The following SPEF2 variants were observed in gnomAD, a reference collection of about 807,000 sequenced individuals.
SPEF2 encodes sperm flagellar and cilia associated 2.
A neutral mutation model predicts 224.6 loss-of-function variants in SPEF2; 187 were observed. That is an observed-to-expected ratio of 0.83 (90% CI 0.74 to 0.94). The LOEUF is 0.94. SPEF2 is among the 40% of genes least tolerant of loss of function. SPEF2 has a pLI of 0.00. For missense variants in SPEF2, 2,170 were observed against 2,135.6 expected (o/e 1.02, Z -0.32); for synonymous variants, 715 against 707.3 (o/e 1.01, Z -0.17).
chr5:35,753,330 TAGGA>T (rs1749964032), intron 23 of SPEF2, among the ~76,000 whole-genome samples: 1 of 152,158 alleles, frequency 6.6e-6, no homozygotes, highest in South Asian at 2.1e-4. Flanking sequence ...CATTTTTTTT[TAGGA>T]AGGATTAAAG....
At chr5:35,793,407 CAAT>C (rs895317645) in intron 32 of SPEF2, 66 bp downstream of exon 32, 1 of 1,507,918 alleles carries the variant, frequency 6.6e-7, no homozygotes, top group Non-Finnish European at 9.0e-7. Context: ...GTGAATTACT[CAAT>C]GATGTTACAT....
chr5:35,681,104 A>G (rs1752736163), intron 10 of SPEF2, among the ~76,000 whole-genome samples: 1 of 152,190 alleles, frequency 6.6e-6, no homozygotes, highest in East Asian at 1.9e-4. Flanking sequence ...CTTTGGATAC[A>G]ATTTAACTAT....
intron 2 of SPEF2, among the ~76,000 whole-genome samples, chr5:35,628,848 T>A (rs1744656493): frequency 1.3e-5 from 2 of 152,094 alleles, no homozygotes; most frequent in South Asian, 4.1e-4. Context: ...TGCCTCAGCC[T>A]TCCAAAGTGT....
chr5:35,676,983 TC>T (rs1752111273), intron 10 of SPEF2, among the ~76,000 whole-genome samples: 1 of 152,156 alleles, frequency 6.6e-6, no homozygotes, highest in East Asian at 1.9e-4. Context: ...GACACATTGA[TC>T]AATGTCACCT....
intron 36 of SPEF2, chr5:35,807,628 A>G (rs1413789232): frequency 6.5e-7 from 1 of 1,534,128 alleles, no homozygotes; most frequent in Non-Finnish European, 8.7e-7. Flanking sequence ...ATTGTACTCT[A>G]ATCACGCAAG....
intron 1 of SPEF2, 112 bp downstream of exon 1, chr5:35,618,167 T>G: frequency 8.6e-7 from 1 of 1,168,364 alleles, no homozygotes; most frequent in Non-Finnish European, 1.2e-6. Flanking sequence ...GCTGCACAGG[T>G]GGGGCACCTG....
intron 26 of SPEF2, among the ~76,000 whole-genome samples, chr5:35,764,985 A>C (rs1375482989): frequency 1.3e-5 from 2 of 152,292 alleles, no homozygotes; most frequent in East Asian, 3.9e-4. Flanking sequence ...GTAAATACTC[A>C]TGGCACCACT....
rs1748706542 is a variant in SPEF2, at chr5:35,654,625, A to T, written c.877A>T (p.Ile293Phe). 9.3e-6 allele frequency: 15 copies of T among 1,614,006 alleles called. 1 individual carries two copies. In the Middle Eastern group the frequency reaches 6.6e-4, roughly 71 times the overall value. ...CTCAGATGACGAGTACATTAAAAAA[A>T]TCCAGAAGCGCCTTGAAGAAGATGC... ...TYSDDEYIKKIQKRLEEDAFA... is the reference protein window; with the variant it reads ...TYSDDEYIKKFQKRLEEDAFA... Residue 293 changes from isoleucine to phenylalanine, a missense_variant, in exon 7 of 37, where the codon ATC (isoleucine) becomes TTC (phenylalanine). Coordinates refer to ENST00000356031, the MANE Select transcript of SPEF2 (RefSeq NM_024867.4).
chr5:35,689,362 A>G (rs544239279), intron 10 of SPEF2, among the ~76,000 whole-genome samples: 4 of 152,256 alleles, frequency 2.6e-5, no homozygotes, highest in Admixed American at 2.6e-4. Flanking sequence ...CTTCTGTAAC[A>G]TTTGTTACAG....
intron 1 of SPEF2, among the ~76,000 whole-genome samples, chr5:35,622,679 T>C (rs551361099): frequency 1.3e-5 from 2 of 152,194 alleles, no homozygotes; most frequent in Non-Finnish European, 2.9e-5. Context: ...ATCTATTGCT[T>C]CTGACGTAAA....
At chr5:35,807,291 T>G in intron 36 of SPEF2, 38 bp downstream of exon 36, 1 of 1,596,162 alleles carries the variant, frequency 6.3e-7, no homozygotes, top group South Asian at 1.1e-5. Flanking sequence ...TTGGTTGGGC[T>G]CCAGTTCAGG....
intron 19 of SPEF2, 90 bp from the exon 20 acceptor site, chr5:35,712,722 A>C: frequency 7.8e-7 from 1 of 1,275,708 alleles, no homozygotes. Flanking sequence ...CTGTTTACCT[A>C]TGGGAAATAG....
intron 26 of SPEF2, among the ~76,000 whole-genome samples, chr5:35,765,879 C>A (rs1344078038): frequency 2.0e-5 from 3 of 151,928 alleles, no homozygotes; most frequent in South Asian, 4.1e-4. Context: ...GCTTTTTCTG[C>A]CTGTATTATA....
At chr5:35,720,324 C>A (rs1000967050) in intron 20 of SPEF2, among the ~76,000 whole-genome samples, 1 of 152,148 alleles carries the variant, frequency 6.6e-6, no homozygotes, top group Non-Finnish European at 1.5e-5. Context: ...ATATTCCAAG[C>A]AAAGTCAAAA....
intron 30 of SPEF2, among the ~76,000 whole-genome samples, chr5:35,780,114 C>G (rs746414909): frequency 9.2e-5 from 14 of 152,156 alleles, no homozygotes; most frequent in Non-Finnish European, 2.1e-4. Context: ...CTCTGCAGAT[C>G]CAAAGTTCTT....
intron 1 of SPEF2, among the ~76,000 whole-genome samples, chr5:35,618,907 A>G (rs772477735): frequency 6.6e-6 from 1 of 150,500 alleles, no homozygotes; most frequent in Admixed American, 6.7e-5. Flanking sequence ...AGAGGTTTTC[A>G]GGGCAAGTCA....
chr5:35,779,055 A>G, intron 29 of SPEF2, 62 bp from the exon 30 acceptor site: 3 of 1,300,520 alleles, frequency 2.3e-6, no homozygotes, highest in Non-Finnish European at 3.2e-6. Context: ...TCTTATAAGC[A>G]AACTTTATTA....
chr5:35,654,394 T>G, intron 6 of SPEF2, 146 bp from the exon 7 acceptor site: 1 of 612,228 alleles, frequency 1.6e-6, no homozygotes, highest in Non-Finnish European at 2.6e-6. Flanking sequence ...TCACACTGAT[T>G]TCAAATATTT....
intron 10 of SPEF2, among the ~76,000 whole-genome samples, chr5:35,686,678 G>A (rs903447027): frequency 6.6e-6 from 1 of 151,974 alleles, no homozygotes; most frequent in African/African-American, 2.4e-5. Flanking sequence ...GCAAAATATG[G>A]TACATCATTG....
Sources: allele counts gnomAD v4.1 joint callset (sites outside exome capture counted in the v4.1 genomes callset), GRCh38; gene constraint gnomAD v4.1.1; transcripts MANE v1.5; gene names NCBI Gene and HGNC (gene_info 2026-07-23, HGNC 2026-07-21).